Variants in WDPCP observed in about 807,000 individuals in gnomAD.
The protein encoded by WDPCP is WD repeat-containing and planar cell polarity effector protein fritz homolog.
In WDPCP, 71 loss-of-function variants were observed where a neutral mutation model predicts 93.1. That is an observed-to-expected ratio of 0.76 (90% CI 0.63 to 0.93). WDPCP has a LOEUF of 0.93. Among genes scored for constraint, WDPCP ranks in the 40% least tolerant of loss-of-function variants. The probability of loss-of-function intolerance (pLI) is 0.00; values close to 1 mark genes in which losing one functional copy is unlikely to be tolerated. For synonymous variants in WDPCP, 315 were observed against 315.0 expected (o/e 1.00, Z 0.00); for missense variants, 844 against 887.4 (o/e 0.95, Z 0.62).
intron 15 of WDPCP, among the ~76,000 whole-genome samples, chr2:63,154,139 A>T (rs1574744173): frequency 1.3e-5 from 2 of 150,872 alleles, no homozygotes; most frequent in South Asian, 4.2e-4. Flanking sequence ...TCTTTCACTT[A>T]TTTTTTTTTG....
intron 14 of WDPCP, among the ~76,000 whole-genome samples, chr2:63,184,505 A>AT (rs565425664): frequency 1.2e-4 from 18 of 151,420 alleles, no homozygotes; most frequent in Non-Finnish European, 2.2e-4. Flanking sequence ...GTGGTTGACA[A>AT]TTTTTTTTTC....
At chr2:63,592,778 A>G (rs1709224921), upstream of WDPCP, among the ~76,000 whole-genome samples, 1 of 152,216 alleles carries the variant, frequency 6.6e-6, no homozygotes, top group Non-Finnish European at 1.5e-5. Flanking sequence ...CTTCAAGCAA[A>G]TACCAGAGTT....
rs142603002 is a variant in WDPCP at position 63,472,381 on chromosome 2, T to A, written c.384+12223A>T. Among the ~76,000 whole-genome samples the A allele has an allele frequency of 1.0e-2, 1,520 of 152,076 alleles. 15 individuals are homozygous for A. The highest frequency in any genetic ancestry group is 0.016 in the Non-Finnish European group (1,064 of 67,976). ...TTTATTCTTCTCTTCTGTTTTCTAT[T>A]ATTAGTTAGATATTACATCTTTTGA... On this transcript the variant is annotated intron_variant, in intron 6 of 17. Coordinates refer to ENST00000272321, the MANE Select transcript of WDPCP (RefSeq NM_015910.7).
intron 2 of WDPCP, among the ~76,000 whole-genome samples, chr2:63,492,079 T>A (rs1575519340): frequency 1.2e-4 from 1 of 8,268 alleles, no homozygotes; most frequent in Non-Finnish European, 1.8e-4. Flanking sequence ...GCAGATAAAC[T>A]TGATGAAAAT....
At position 63,259,319 on chromosome 2, in the gene WDPCP, T is replaced by C; in HGVS notation, c.1903A>G (p.Thr635Ala). 2.5e-6 allele frequency: 4 copies of C among 1,612,480 alleles called. No individual in the cohort carries two copies. Among genetic ancestry groups the C allele is most frequent in the Non-Finnish European group, 2.5e-6 (3 of 1,179,298 alleles). Reference sequence around the variant, plus strand: ...CGTTAATTCTTACCAACCCCAGAGGTTATTGATTCTGCATCAATGTCACTA... The same window carrying C: ...CGTTAATTCTTACCAACCCCAGAGGCTATTGATTCTGCATCAATGTCACTA... ...RASDIDAESI[T>A]SGVELLGPLD... is the part of the protein sequence containing the mutation. Residue 635 changes from threonine to alanine, a missense_variant, in exon 14 of 18, where the codon ACC (threonine) becomes GCC (alanine). Transcript: ENST00000272321.
chr2:63,821,944 T>C (rs1220987526), intron 1 of WDPCP, among the ~76,000 whole-genome samples: 1 of 152,074 alleles, frequency 6.6e-6, no homozygotes, highest in Non-Finnish European at 1.5e-5. Context: ...AAGACTAAAA[T>C]ATGAACCACC....
intron 9 of WDPCP, among the ~76,000 whole-genome samples, chr2:63,431,972 C>A (rs1417090409): frequency 1.3e-5 from 2 of 151,680 alleles, no homozygotes; most frequent in Non-Finnish European, 2.9e-5. Context: ...GAATAATTTT[C>A]TATAAACACC....
At chr2:63,621,971 C>A (rs890100220) in intron 3 of WDPCP, among the ~76,000 whole-genome samples, 1 of 151,686 alleles carries the variant, frequency 6.6e-6, no homozygotes, top group African/African-American at 2.4e-5. Flanking sequence ...TGGTGCACTG[C>A]ACCCACTAAC....
At chr2:63,810,490 G>A (rs1004295522) in intron 2 of WDPCP, among the ~76,000 whole-genome samples, 1 of 152,228 alleles carries the variant, frequency 6.6e-6, no homozygotes, top group South Asian at 2.1e-4. Context: ...ATGTCTAGAG[G>A]AAGGAGTGAC....
intron 1 of WDPCP, among the ~76,000 whole-genome samples, chr2:63,826,404 T>C (rs1006360501): frequency 3.9e-5 from 6 of 152,264 alleles, no homozygotes; most frequent in Admixed American, 2.6e-4. Flanking sequence ...GTATTCATTA[T>C]GGTGACATCT....
At chr2:63,509,619 C>CA (rs1185852889) in intron 1 of WDPCP, among the ~76,000 whole-genome samples, 8 of 152,032 alleles carry the variant, frequency 5.3e-5, no homozygotes, top group Non-Finnish European at 7.4e-5. Context: ...AAAAACCCTT[C>CA]AAAAAATCAG....
chr2:63,703,823 C>T (rs1340192606), intron 2 of WDPCP, among the ~76,000 whole-genome samples: 1 of 152,102 alleles, frequency 6.6e-6, no homozygotes, highest in Admixed American at 6.5e-5. Context: ...GTAGTTTTTT[C>T]CCATTCTGTG....
intron 12 of WDPCP, among the ~76,000 whole-genome samples, chr2:63,324,220 T>C (rs1169289222): frequency 6.6e-6 from 1 of 152,146 alleles, no homozygotes; most frequent in Non-Finnish European, 1.5e-5. Flanking sequence ...ACTCTTTTCA[T>C]TGAAGGAGAA....
intron 1 of WDPCP, among the ~76,000 whole-genome samples, chr2:63,499,622 G>C (rs1701422402): frequency 6.6e-6 from 1 of 152,044 alleles, no homozygotes; most frequent in South Asian, 2.1e-4. Flanking sequence ...GGTGGCAGCT[G>C]GAATATAACA....
intron 2 of WDPCP, among the ~76,000 whole-genome samples, chr2:63,673,867 CA>C (rs1271066892): frequency 6.6e-6 from 1 of 152,106 alleles, no homozygotes; most frequent in Non-Finnish European, 1.5e-5. Context: ...GCAATCTTAC[CA>C]AATGTTTTTC....
At chr2:63,816,633 C>A (rs1415394182) in intron 1 of WDPCP, among the ~76,000 whole-genome samples, 1 of 152,182 alleles carries the variant, frequency 6.6e-6, no homozygotes, top group South Asian at 2.1e-4. Context: ...CCTGCCAACA[C>A]CCTGATTTTG....
intron 2 of WDPCP, among the ~76,000 whole-genome samples, chr2:63,689,419 GC>G (rs756701322): frequency 6.6e-6 from 1 of 152,136 alleles, no homozygotes; most frequent in Admixed American, 6.5e-5. Flanking sequence ...AGTAAAGGGG[GC>G]CTCGAAATAT....
At chr2:63,427,677 T>TA (rs1696426373) in intron 9 of WDPCP, among the ~76,000 whole-genome samples, 3 of 151,510 alleles carry the variant, frequency 2.0e-5, no homozygotes, top group South Asian at 4.2e-4. Flanking sequence ...GAGGAACTAG[T>TA]AAAAAAATAA....
chr2:63,304,719 C>G (rs1435668378), intron 13 of WDPCP, among the ~76,000 whole-genome samples: 1 of 152,094 alleles, frequency 6.6e-6, no homozygotes, highest in African/African-American at 2.4e-5. Context: ...TTTCATACCC[C>G]AGTGGTGCCT....
Sources: allele counts gnomAD v4.1 joint callset (sites outside exome capture counted in the v4.1 genomes callset), GRCh38; gene constraint gnomAD v4.1.1; transcripts MANE v1.5; gene names NCBI Gene and HGNC (gene_info 2026-07-23, HGNC 2026-07-21).